The following FAM120A variants were observed in gnomAD, a reference collection of about 807,000 sequenced individuals.
FAM120A encodes the protein constitutive coactivator of PPAR-gamma-like protein 1.
Under a neutral mutation model 109.7 loss-of-function variants are expected in FAM120A, and 15 were observed. That is an observed-to-expected ratio of 0.14 (90% CI 0.09 to 0.21). The LOEUF is 0.21. Among genes scored for constraint, FAM120A ranks in the 10% least tolerant of loss-of-function variants. FAM120A has a pLI of 1.00. For missense variants in FAM120A, 899 were observed against 1,439.3 expected (o/e 0.62, Z 6.07); for synonymous variants, 493 against 572.8 (o/e 0.86, Z 1.99).
intron 10 of FAM120A, among the ~76,000 whole-genome samples, chr9:93,539,682 G>A (rs959154988): frequency 6.6e-6 from 1 of 152,242 alleles, no homozygotes; most frequent in African/African-American, 2.4e-5. Context: ...TACTTTCTGT[G>A]AGCTGGCTAC....
chr9:93,465,313 CT>C (rs1857970084), intron 1 of FAM120A, among the ~76,000 whole-genome samples: 1 of 152,146 alleles, frequency 6.6e-6, no homozygotes, highest in Admixed American at 6.5e-5. Flanking sequence ...TTTATTGGGC[CT>C]CTTACGAATA....
rs1184346391 is a variant in FAM120A, at chr9:93,453,386, G to A, written c.474+997G>A. The A allele has an allele frequency of 4.1e-6, 4 of 985,452 alleles. No individual in the cohort carries two copies. In the East Asian group the frequency reaches 3.4e-4, roughly 84 times the overall value. 61.0% of individuals were successfully genotyped at this position (985,452 alleles called of 1,614,324 possible). A position where few individuals can be genotyped will look rare whatever the true frequency, so the allele number is the denominator to read the frequency against. On this transcript the variant is annotated intron_variant, in intron 1 of 17. Transcript: ENST00000277165. ...GCACATCCATGATCCTGGACTTCAC[G>A]TTCTGATTGCTTGCTTTTTTCATTG...
chr9:93,544,028 A>T (rs1157990801), intron 11 of FAM120A, among the ~76,000 whole-genome samples: 2 of 152,244 alleles, frequency 1.3e-5, no homozygotes, highest in Admixed American at 6.5e-5. Context: ...TTATGCCATT[A>T]TATATGTGGT....
chr9:93,505,044 C>T lies in FAM120A; in HGVS notation c.1030+6158C>T, dbSNP rs563450912. On this transcript the variant is annotated intron_variant, in intron 5 of 17. Coordinates refer to ENST00000277165, the MANE Select transcript of FAM120A (RefSeq NM_014612.5). ...TTGTGAAATGCTTGTTCATGTTGTT[C>T]GCTTGTGTTTTTTTTTTTTTTTTTT... Among the ~76,000 whole-genome samples the T allele has an allele frequency of 5.4e-3, 741 of 136,306 alleles. 7 individuals carry two copies. The highest frequency in any genetic ancestry group is 0.017 in the South Asian group (69 of 4,006). 89.4% of individuals were successfully genotyped at this position (136,306 alleles called of 152,430 possible).
chr9:93,458,295 C>T (rs1029407932), intron 1 of FAM120A, among the ~76,000 whole-genome samples: 3 of 151,426 alleles, frequency 2.0e-5, no homozygotes, highest in African/African-American at 4.8e-5. Flanking sequence ...CACTCCTTGC[C>T]GCTCCCACCG....
intron 7 of FAM120A, among the ~76,000 whole-genome samples, chr9:93,518,119 C>A (rs1371473188): frequency 6.6e-6 from 1 of 152,110 alleles, no homozygotes; most frequent in East Asian, 1.9e-4. Flanking sequence ...GCAGGGTACA[C>A]CCTATAATAA....
At position 93,498,977 on chromosome 9, in the gene FAM120A, T is replaced by C. The variant is rs1859689089; in HGVS notation, c.1030+91T>C. The C allele has an allele frequency of 1.1e-6, 1 of 904,980 alleles. No homozygotes were observed. The highest frequency in any genetic ancestry group is 1.8e-6 in the Non-Finnish European group (1 of 556,644). The allele number at this position is 904,980 out of a possible 1,614,324, so 56.1% of individuals were successfully genotyped here. A position where few individuals can be genotyped will look rare whatever the true frequency, so the allele number is the denominator to read the frequency against. Reference sequence around the variant, plus strand: ...CCATATAATCTTGTAGGTTTATGTTTTTGAAACATGATTTTCTGTAGTTAT... The same window carrying C: ...CCATATAATCTTGTAGGTTTATGTTCTTGAAACATGATTTTCTGTAGTTAT... On this transcript the variant is annotated intron_variant, in intron 5 of 17. Coordinates refer to ENST00000277165, the MANE Select transcript of FAM120A (RefSeq NM_014612.5). The surrounding 1 kb of genome is among the most constrained non-coding windows in gnomAD (Gnocchi z 4.4).
chr9:93,474,390 T>C (rs779642427), intron 2 of FAM120A, among the ~76,000 whole-genome samples: 4 of 152,052 alleles, frequency 2.6e-5, no homozygotes, highest in Non-Finnish European at 5.9e-5. Context: ...AAAGTTTCAC[T>C]GTGCTCAAAT....
intron 1 of FAM120A, among the ~76,000 whole-genome samples, chr9:93,465,259 A>C (rs981297872): frequency 5.3e-5 from 8 of 152,242 alleles, no homozygotes; most frequent in Non-Finnish European, 1.0e-4. Flanking sequence ...ATCCTTGATC[A>C]GATTTTTAAC....
chr9:93,491,653 C>T (rs1322752745), intron 3 of FAM120A, among the ~76,000 whole-genome samples: 1 of 152,056 alleles, frequency 6.6e-6, no homozygotes, highest in Admixed American at 6.6e-5. Flanking sequence ...ACCTACAAAG[C>T]AGGTAAAATT....
At chr9:93,547,799 A>G (rs143923996) in intron 11 of FAM120A, among the ~76,000 whole-genome samples, 147 of 152,350 alleles carry the variant, frequency 9.6e-4, no homozygotes, top group South Asian at 1.9e-3. Flanking sequence ...CCAAGAGTTA[A>G]GTTCTCAGCC....
At position 93,458,520 on chromosome 9, in the gene FAM120A, T is replaced by C. The variant is rs567329232; in HGVS notation, c.474+6131T>C. ...GCTCAGTAGTCTCCTACTTAACTGT[T>C]ATACTCTTCCTTTTTTCCAGTACCC... On this transcript the variant is annotated intron_variant, in intron 1 of 17. Coordinates refer to ENST00000277165, the MANE Select transcript of FAM120A (RefSeq NM_014612.5). 3.3e-5 allele frequency among the ~76,000 whole-genome samples: 5 copies of C among 152,212 alleles called. No individual in the cohort carries two copies. The East Asian group carries it at 9.7e-4, about 29-fold the overall frequency.
chr9:93,521,852 C>G (rs1860860189), intron 7 of FAM120A, among the ~76,000 whole-genome samples: 1 of 152,212 alleles, frequency 6.6e-6, no homozygotes, highest in Non-Finnish European at 1.5e-5. Flanking sequence ...CTTTGGGAAG[C>G]TGAGGCAGGC....
At chr9:93,495,064 A>G (rs1421913767) in intron 3 of FAM120A, among the ~76,000 whole-genome samples, 1 of 152,136 alleles carries the variant, frequency 6.6e-6, no homozygotes, top group African/African-American at 2.4e-5. Flanking sequence ...CATCAGTAGT[A>G]CTGCTGCCTA....
chr9:93,483,392 T>A (rs888144353), intron 3 of FAM120A, among the ~76,000 whole-genome samples: 2 of 151,988 alleles, frequency 1.3e-5, no homozygotes, highest in Non-Finnish European at 2.9e-5. Flanking sequence ...GTTTTTTTTT[T>A]AAACATAGTC....
At chr9:93,514,597 A>G (rs955598794) in intron 5 of FAM120A, among the ~76,000 whole-genome samples, 8 of 152,136 alleles carry the variant, frequency 5.3e-5, no homozygotes, top group African/African-American at 1.9e-4. Context: ...TTTCATCCCC[A>G]GGCCCAGTCC....
intron 2 of FAM120A, 66 bp downstream of exon 2, chr9:93,471,453 A>C: frequency 6.3e-7 from 1 of 1,582,320 alleles, no homozygotes; most frequent in Non-Finnish European, 8.6e-7. Flanking sequence ...TTGATCTTTT[A>C]AGTGTTTCTG....
At chr9:93,501,658 A>T (rs1375815760) in intron 5 of FAM120A, among the ~76,000 whole-genome samples, 1 of 152,176 alleles carries the variant, frequency 6.6e-6, no homozygotes, top group Non-Finnish European at 1.5e-5. Flanking sequence ...ACAGAATGAC[A>T]GCCAGGCAGG....
At chr9:93,541,334 T>C (rs1200779565) in intron 10 of FAM120A, among the ~76,000 whole-genome samples, 1 of 152,008 alleles carries the variant, frequency 6.6e-6, no homozygotes, top group Non-Finnish European at 1.5e-5. Context: ...GGCCTGTGCA[T>C]GGTAGTGGTG....
Sources: allele counts gnomAD v4.1 joint callset (sites outside exome capture counted in the v4.1 genomes callset), GRCh38; gene constraint gnomAD v4.1.1; non-coding constraint Gnocchi (gnomAD v3.1); transcripts MANE v1.5; gene names NCBI Gene and HGNC (gene_info 2026-07-23, HGNC 2026-07-21).